The following POLRMT variants were observed in gnomAD, a reference collection of about 807,000 sequenced individuals.
POLRMT encodes the protein RNA polymerase mitochondrial.
A neutral mutation model predicts 132.2 loss-of-function variants in POLRMT; 114 were observed. That is an observed-to-expected ratio of 0.86 (90% confidence interval 0.74 to 1.01). The LOEUF is 1.01. Ranked by LOEUF, POLRMT falls within the 50% of genes least tolerant of loss-of-function variation. POLRMT has a pLI of 0.00. For synonymous variants in POLRMT, 1,020 were observed against 773.4 expected (o/e 1.32, Z -5.29); for missense variants, 2,003 against 1,729.1 (o/e 1.16, Z -2.81).
In POLRMT at chr19:617,224, T is replaced by TGGG; in HGVS notation, c.*47_*49dup. The TGGG allele has an allele frequency of 6.3e-7, 1 of 1,597,750 alleles. No homozygotes were observed. Among genetic ancestry groups the TGGG allele is most frequent in the South Asian group, 1.1e-5 (1 of 90,652 alleles). ...CACCCTTCCTGAAGACAGTGGCTCC[T>TGGG]GGGGGTGGCAAAAGAGCTTTATTTA... On this transcript the variant is annotated 3_prime_UTR_variant, in exon 21 of 21. Coordinates refer to ENST00000588649, the MANE Select transcript of POLRMT (RefSeq NM_005035.4).
intron 14 of POLRMT, 24 bp from the exon 15 acceptor site, chr19:619,134 G>A: frequency 6.2e-7 from 1 of 1,610,962 alleles, no homozygotes; most frequent in South Asian, 1.1e-5. Flanking sequence ...GCCGTCTCAG[G>A]GCAGGGGGCT....
chr19:623,849 G>A (rs867421949), intron 5 of POLRMT, among the ~76,000 whole-genome samples: 5 of 152,228 alleles, frequency 3.3e-5, no homozygotes, highest in South Asian at 2.1e-4. Context: ...TGGCAGGGGC[G>A]GTGATGCTGG....
chr19:617,996 C>A, intron 17 of POLRMT, 147 bp from the exon 18 acceptor site: 1 of 671,742 alleles, frequency 1.5e-6, no homozygotes, highest in Non-Finnish European at 2.6e-6. Context: ...TCGCCCCGCC[C>A]CTCCCCAAAC....
In POLRMT at chr19:623,646, C is replaced by T. The variant is rs754837924; in HGVS notation, c.1141-43G>A. On this transcript the variant is annotated intron_variant, in intron 5 of 20. Transcript: ENST00000588649. ...GTGAGGTTGGGGGCTTGCCAGAGGG[C>T]GACCTGCCCTCCCAGGACCCCGAGA... 1.2e-5 allele frequency: 20 copies of T among 1,600,512 alleles called. 1 individual carries two copies. In the South Asian group the frequency reaches 1.4e-4, roughly 11 times the overall value.
rs745922029 is a variant in POLRMT, at chr19:618,637, G to A, written c.3324-51C>T. 3.3e-5 allele frequency: 53 copies of A among 1,598,814 alleles called. No homozygotes were observed. In the East Asian group the frequency reaches 9.5e-4, roughly 29 times the overall value. On this transcript the variant is annotated intron_variant, in intron 16 of 20. Transcript: ENST00000588649. ...GGGCGGCCCAGGGACACCCCTAACT[G>A]GCCGCTGTCTCCACCGTGGCTGCTC...
chr19:626,815 T>G (rs1005713604), intron 3 of POLRMT, among the ~76,000 whole-genome samples: 16 of 151,182 alleles, frequency 1.1e-4, no homozygotes, highest in African/African-American at 3.4e-4. Flanking sequence ...AGCCGGGATC[T>G]CACCACTGCA....
chr19:620,467 G>A lies in POLRMT; in HGVS notation c.2661C>T (p.Gly887=), dbSNP rs750019147. 3.8e-6 allele frequency: 6 copies of A among 1,597,888 alleles called. No individual in the cohort carries two copies. The highest frequency in any genetic ancestry group is 2.3e-5 in the East Asian group (1 of 44,336). Residue 887 remains glycine (G), a synonymous_variant, in exon 11 of 21, where the codon GGC becomes GGT. Coordinates refer to ENST00000588649, the MANE Select transcript of POLRMT (RefSeq NM_005035.4). ...QPLTGRKWWM[G]AEEPWQTLAC... is the part of the protein sequence containing the mutation. ...CCAGCGTCTGCCAGGGTTCCTCCGCGCCCATCCACCACTTTCGGCCCTGCG... is the reference window on the plus strand; with the variant it reads ...CCAGCGTCTGCCAGGGTTCCTCCGCACCCATCCACCACTTTCGGCCCTGCG...
At chr19:628,978 T>C (rs539882953) in intron 3 of POLRMT, among the ~76,000 whole-genome samples, 6 of 152,164 alleles carry the variant, frequency 3.9e-5, no homozygotes, top group Admixed American at 6.5e-5. Flanking sequence ...CACTCCAACC[T>C]AGTAACAGGG....
At chr19:631,281 T>C (rs1303127837) in intron 2 of POLRMT, among the ~76,000 whole-genome samples, 3 of 137,076 alleles carry the variant, frequency 2.2e-5, no homozygotes, top group Admixed American at 7.5e-5. Flanking sequence ...TGAGCCGTGA[T>C]CAGGCCACCG....
intron 13 of POLRMT, 105 bp downstream of exon 13, chr19:619,481 G>A (rs1361375317): frequency 1.4e-6 from 2 of 1,477,274 alleles, no homozygotes; most frequent in East Asian, 2.3e-5. Context: ...GTGGTCTGGG[G>A]GAGCAGCCAG....
Position 623,677 on chromosome 19 carries a change from T to C in POLRMT, c.1141-74A>G, listed in dbSNP as rs914191556. The C allele has an allele frequency of 2.6e-6, 4 of 1,541,210 alleles. No homozygotes were observed. In the Admixed American group the frequency reaches 5.5e-5, roughly 21 times the overall value. ...GCCCTCCCAGGACCCCGAGACAGCA[T>C]GGGTGCACGCGTTTCTGCGTCTCCT... On this transcript the variant is annotated intron_variant, in intron 5 of 20. Transcript: ENST00000588649.
At position 626,886 on chromosome 19, in the gene POLRMT, T is replaced by TACACACACACACACAC. The variant is rs143170943; in HGVS notation, c.823-1633_823-1632insGTGTGTGTGTGTGTGT. On this transcript the variant is annotated intron_variant, in intron 3 of 20. Transcript: ENST00000588649. Reference sequence around the variant, plus strand: ...GACTTGGAGACTCTGTCTTAAAATATACACACACACACATATATATATATA... The same window carrying TACACACACACACACAC: ...GACTTGGAGACTCTGTCTTAAAATATACACACACACACACACACACACACACACATATATATATATA... Among the ~76,000 whole-genome samples the TACACACACACACACAC allele has an allele frequency of 8.2e-3, 1,172 of 143,676 alleles. 13 individuals carry two copies. Among genetic ancestry groups the TACACACACACACACAC allele is most frequent in the African/African-American group, 0.025 (944 of 38,224 alleles). The allele number at this position is 143,676 out of a possible 152,430, so 94.3% of individuals were successfully genotyped here.
intron 3 of POLRMT, among the ~76,000 whole-genome samples, chr19:629,046 T>C (rs1477652119): frequency 6.6e-6 from 1 of 151,790 alleles, no homozygotes; most frequent in Non-Finnish European, 1.5e-5. Context: ...GCAAGGGAAA[T>C]TGGAAAATAC....
Position 619,479 on chromosome 19 carries a change from G to C in POLRMT, c.3066+107C>G, listed in dbSNP as rs568562895. The C allele has an allele frequency of 2.0e-6, 3 of 1,473,056 alleles. No individual in the cohort carries two copies. The Admixed American group carries it at 5.4e-5, about 27-fold the overall frequency. The allele number at this position is 1,473,056 out of a possible 1,614,324, so 91.2% of individuals were successfully genotyped here. ...GCCCTAACAGGCAGCCAGTGGTCTG[G>C]GGGAGCAGCCAGGGCTCCTGCTGGG... is the stretch of plus-strand genomic sequence containing the variant. On this transcript the variant is annotated intron_variant, in intron 13 of 20. Coordinates refer to ENST00000588649, the MANE Select transcript of POLRMT (RefSeq NM_005035.4).
At chr19:618,281 C>G (rs1568373924) in intron 17 of POLRMT, 1 of 572,210 alleles carries the variant, frequency 1.7e-6, no homozygotes, top group Non-Finnish European at 3.1e-6. Flanking sequence ...CTCGGCTCTC[C>G]CTGTCGGGCC....
In POLRMT at chr19:622,712, G is replaced by A. The variant is rs762074939; in HGVS notation, c.1496C>T (p.Thr499Ile). The change falls in exon 8 of 21, where the codon ACC (threonine) becomes ATC (isoleucine). Residue 499 changes from threonine to isoleucine, a missense_variant. Physicochemically the swap from Thr to Ile is moderately conservative, Grantham distance 89 (BLOSUM62 -1). Transcript: ENST00000588649. The stretch of plus-strand genomic sequence containing the variant: ...GCGCGCACTCAGCTCCCGGGCCAGG[G>A]TGGTGAAGGACTCACCTTGGGCGGG... The part of the protein sequence containing the change: ...ALPAQGESFT[T>I]LARELSARTF... The A allele has an allele frequency of 6.9e-6, 11 of 1,603,166 alleles. No homozygotes were observed. The Admixed American group carries it at 1.9e-4, about 27-fold the overall frequency.
intron 20 of POLRMT, 31 bp downstream of exon 20, chr19:617,388 G>A: frequency 6.2e-7 from 1 of 1,612,348 alleles, no homozygotes; most frequent in Non-Finnish European, 8.5e-7. Context: ...CGCAGTTCGA[G>A]CCACCCTTGC....
chr19:623,189 G>A (rs1984765788), intron 6 of POLRMT, among the ~76,000 whole-genome samples: 1 of 152,350 alleles, frequency 6.6e-6, no homozygotes, highest in Admixed American at 6.5e-5. Flanking sequence ...CAGCTGCAGT[G>A]TGCGCAGAAG....
intron 2 of POLRMT, among the ~76,000 whole-genome samples, chr19:631,657 A>C (rs1985427993): frequency 6.6e-6 from 1 of 152,158 alleles, no homozygotes; most frequent in South Asian, 2.1e-4. Flanking sequence ...AAAATTGCTG[A>C]AATAAAAAGA....
Sources: gnomAD v4.1 joint callset for allele counts (sites outside exome capture counted in the v4.1 genomes callset) on GRCh38, gnomAD v4.1.1 for gene constraint, MANE v1.5 for transcripts, NCBI Gene and HGNC (gene_info 2026-07-23, HGNC 2026-07-21) for gene names.